The following COL5A3 variants were observed in gnomAD, a reference collection of about 807,000 sequenced individuals.
The protein encoded by COL5A3 is collagen type V alpha 3 chain.
Under a neutral mutation model 250.0 loss-of-function variants are expected in COL5A3, and 172 were observed. That is an observed-to-expected ratio of 0.69 (90% CI 0.61 to 0.78). The LOEUF (loss-of-function observed/expected upper bound fraction) is 0.78, where lower values mean the gene tolerates loss of function less well. Ranked by LOEUF, COL5A3 falls within the 30% of genes least tolerant of loss-of-function variation. The probability of loss-of-function intolerance (pLI) is 0.00; values close to 1 mark genes in which losing one functional copy is unlikely to be tolerated. For synonymous variants in COL5A3, 937 were observed against 900.4 expected (o/e 1.04, Z -0.73); for missense variants, 2,340 against 2,334.4 (o/e 1.00, Z -0.05).
At chr19:9,992,704 G>C (rs1403838161) in intron 21 of COL5A3, 123 bp downstream of exon 21, 7 of 918,444 alleles carry the variant, frequency 7.6e-6, no homozygotes, top group Non-Finnish European at 1.2e-5. Context: ...CTGAACCCAG[G>C]AGCCGGAGGT....
Position 9,986,537 on chromosome 19 carries a change from C to A in COL5A3, c.2244+16G>T. On this transcript the variant is annotated intron_variant, in intron 29 of 66. Transcript: ENST00000264828. The stretch of plus-strand genomic sequence containing the variant: ...CCCCCAGACCCACACCACCCCTCAT[C>A]TGGAGCTGGTCTTACCTGATCACCT... The A allele has an allele frequency of 6.2e-7, 1 of 1,613,632 alleles. No individual in the cohort carries two copies. Among genetic ancestry groups the A allele is most frequent in the Non-Finnish European group, 8.5e-7 (1 of 1,179,792 alleles).
At position 9,981,116 on chromosome 19, in the gene COL5A3, G is replaced by A; in HGVS notation, c.2477C>T (p.Pro826Leu). Residue 826 changes from proline (P) to leucine (L), a missense_variant, in exon 33 of 67, where the codon CCA becomes CTA. Pro to Leu is a moderately conservative substitution (Grantham distance 98). Coordinates refer to ENST00000264828, the MANE Select transcript of COL5A3 (RefSeq NM_015719.4). ...EKGKSGKTGQPGLEGERGPPG... is the reference protein window; with the variant it reads ...EKGKSGKTGQLGLEGERGPPG... ...TGGTCCCCGCTCTCCTTCCAGGCCT[G>A]GCTGCCCTGTCTTTCCCTGAAAATG... The A allele has an allele frequency of 6.2e-7, 1 of 1,614,046 alleles. No individual in the cohort carries two copies. Among genetic ancestry groups the A allele is most frequent in the Non-Finnish European group, 8.5e-7 (1 of 1,179,964 alleles).
intron 65 of COL5A3, 31 bp downstream of exon 65, chr19:9,962,788 G>A (rs750684787): frequency 6.5e-7 from 1 of 1,541,432 alleles, no homozygotes; most frequent in South Asian, 1.2e-5. Context: ...CAATTTTCAT[G>A]TCACTCCCCA....
At chr19:9,962,083 G>GA (rs563768237) in intron 65 of COL5A3, among the ~76,000 whole-genome samples, 1 of 149,646 alleles carries the variant, frequency 6.7e-6, no homozygotes, top group African/African-American at 2.4e-5. Flanking sequence ...GAGCTAATCT[G>GA]AAAAAAATAC....
At chr19:9,985,761 A>G in intron 31 of COL5A3, 81 bp downstream of exon 31, 3 of 1,353,542 alleles carry the variant, frequency 2.2e-6, no homozygotes, top group Non-Finnish European at 3.1e-6. Flanking sequence ...CTCATCCCCC[A>G]AGACCACAGC....
chr19:9,963,063 G>A (rs2086693697), intron 64 of COL5A3, among the ~76,000 whole-genome samples, 176 bp from the exon 65 acceptor site: 1 of 152,120 alleles, frequency 6.6e-6, no homozygotes, highest in African/African-American at 2.4e-5. Context: ...TGCCCCTGAG[G>A]CAGCCCTCAC....
intron 54 of COL5A3, among the ~76,000 whole-genome samples, chr19:9,970,190 G>T (rs1408266939): frequency 3.6e-4 from 24 of 66,466 alleles, no homozygotes; most frequent in Admixed American, 5.5e-4. Flanking sequence ...GGTGAGTGGG[G>T]TCTGTGGGTG....
At position 9,989,163 on chromosome 19, in the gene COL5A3, C is replaced by A. The variant is rs62638742; in HGVS notation, c.2106G>T (p.Ser702=). 1.2e-5 allele frequency: 19 copies of A among 1,614,234 alleles called. No homozygotes were observed. Among genetic ancestry groups the A allele is most frequent in the Non-Finnish European group, 1.5e-5 (18 of 1,180,052 alleles). ...GEKGAQGPPG[S]AGPPGYPGPR... Reference sequence around the variant, plus strand: ...GTCCAGGATAGCCCGGAGGGCCTGCCGACCCTGGTGGACCCTGGGAGGAAA... The same window carrying A: ...GTCCAGGATAGCCCGGAGGGCCTGCAGACCCTGGTGGACCCTGGGAGGAAA... The change falls in exon 27 of 67, where the codon TCG becomes TCT. Residue 702 remains serine, a synonymous_variant. Coordinates refer to ENST00000264828, the MANE Select transcript of COL5A3 (RefSeq NM_015719.4).
chr19:9,997,476 T>A (rs779906351), intron 10 of COL5A3, 43 bp from the exon 11 acceptor site: 2 of 1,382,348 alleles, frequency 1.4e-6, no homozygotes, highest in Non-Finnish European at 2.0e-6. Context: ...AGTGCAAAGT[T>A]TGAGCTAGGC....
chr19:9,987,600 G>C (rs2087118471), intron 27 of COL5A3, among the ~76,000 whole-genome samples: 1 of 151,896 alleles, frequency 6.6e-6, no homozygotes, highest in East Asian at 1.9e-4. Context: ...AAAGAAAAAA[G>C]GTAGCCGGAT....
chr19:9,962,833 G>T lies in COL5A3; in HGVS notation c.4837C>A (p.Arg1613Ser). The change falls in exon 65 of 67, where the codon CGT becomes AGT. Residue 1613 changes from arginine (R) to serine (S), a missense_variant. By Grantham distance (110) the Arg-to-Ser change is moderately radical. Coordinates refer to ENST00000264828, the MANE Select transcript of COL5A3 (RefSeq NM_015719.4). ...EKPGGWYSTF[R>S]RGKKFSYVDA... ...CGGTGACTCACCTTCTTCCCTCGAC[G>T]GAATGTGCTATACCAGCCTCCAGGC... The T allele has an allele frequency of 6.2e-7, 1 of 1,610,612 alleles. No homozygotes were observed.
chr19:9,989,409 C>T, intron 25 of COL5A3, 43 bp from the exon 26 acceptor site: 2 of 1,613,926 alleles, frequency 1.2e-6, no homozygotes, highest in Non-Finnish European at 1.7e-6. Flanking sequence ...CAAAACTTGC[C>T]ATTCCAATTC....
At chr19:9,967,483 T>TCACA (rs966088925) in intron 61 of COL5A3, 83 bp from the exon 62 acceptor site, 5 of 812,362 alleles carry the variant, frequency 6.2e-6, no homozygotes, top group East Asian at 8.1e-5. Context: ...ACACACACAC[T>TCACA]CACACACACA....
intron 64 of COL5A3, among the ~76,000 whole-genome samples, chr19:9,963,148 G>A (rs552554334): frequency 9.9e-5 from 15 of 152,256 alleles, no homozygotes; most frequent in Admixed American, 2.6e-4. Flanking sequence ...TCAGGTGCCT[G>A]TGCTACACAG....
intron 27 of COL5A3, among the ~76,000 whole-genome samples, chr19:9,988,746 G>T (rs8107569): frequency 0.42 from 61,973 of 147,350 alleles, 13,993 homozygotes; most frequent in African/African-American, 0.6. Context: ...CAGTAGAATC[G>T]CTTGAATCCG....
chr19:9,997,257 C>A (rs2087286315), intron 11 of COL5A3, 114 bp downstream of exon 11: 3 of 796,406 alleles, frequency 3.8e-6, no homozygotes, highest in Non-Finnish European at 4.4e-6. Flanking sequence ...TCAGTGCCAG[C>A]CCCGGGATGG....
At chr19:10,007,349 G>A (rs1425600216) in intron 1 of COL5A3, among the ~76,000 whole-genome samples, 1 of 152,140 alleles carries the variant, frequency 6.6e-6, no homozygotes, top group Non-Finnish European at 1.5e-5. Flanking sequence ...CTTCTGACCA[G>A]CTGTCTCCGA....
At chr19:9,964,733 G>A (rs1012192298) in intron 64 of COL5A3, among the ~76,000 whole-genome samples, 2 of 151,602 alleles carry the variant, frequency 1.3e-5, no homozygotes. Flanking sequence ...TTTAGTAAAT[G>A]TTCCCTGCAG....
chr19:9,995,690 A>G, intron 15 of COL5A3, 73 bp from the exon 16 acceptor site: 10 of 1,206,698 alleles, frequency 8.3e-6, no homozygotes, highest in Non-Finnish European at 1.1e-5. Flanking sequence ...GTATTAAAAA[A>G]AATTAGAGAT....
Sources: gnomAD v4.1 joint callset for allele counts (sites outside exome capture counted in the v4.1 genomes callset) on GRCh38, gnomAD v4.1.1 for gene constraint, MANE v1.5 for transcripts, NCBI Gene and HGNC (gene_info 2026-07-23, HGNC 2026-07-21) for gene names.